The following STAU2 variants were observed in gnomAD, a reference collection of about 807,000 sequenced individuals.
STAU2 encodes staufen double-stranded RNA binding protein 2, also known as double-stranded RNA-binding protein Staufen homolog 2.
Under a neutral mutation model 65.9 loss-of-function variants are expected in STAU2, and 20 were observed. The observed-to-expected ratio is 0.30, with a 90% CI of 0.21 to 0.44. The LOEUF is 0.44. Ranked by LOEUF, STAU2 falls within the 20% of genes least tolerant of loss-of-function variation. The pLI is 1.00. For synonymous variants in STAU2, 232 were observed against 233.9 expected (o/e 0.99, Z 0.07); for missense variants, 558 against 683.9 (o/e 0.82, Z 2.05).
At chr8:73,490,837 G>C (rs1821122637) in intron 13 of STAU2, among the ~76,000 whole-genome samples, 1 of 151,728 alleles carries the variant, frequency 6.6e-6, no homozygotes, top group African/African-American at 2.4e-5. Flanking sequence ...TTAACAAATA[G>C]TTCATCTGGA....
intron 13 of STAU2, among the ~76,000 whole-genome samples, chr8:73,423,246 G>T (rs1014962915): frequency 1.3e-5 from 2 of 152,210 alleles, no homozygotes; most frequent in Admixed American, 1.3e-4. Context: ...GAAAGTTTGG[G>T]CTGGTCATGT....
chr8:73,477,332 C>T (rs1423490121), intron 13 of STAU2, among the ~76,000 whole-genome samples: 1 of 152,154 alleles, frequency 6.6e-6, no homozygotes, highest in Non-Finnish European at 1.5e-5. Flanking sequence ...TCTGAAATAA[C>T]TTTCATGGGG....
intron 6 of STAU2, among the ~76,000 whole-genome samples, chr8:73,660,292 T>C (rs143237569): frequency 0.012 from 1,863 of 152,224 alleles, 141 homozygotes; most frequent in Admixed American, 0.11. Context: ...TAGCTGGGCA[T>C]GGTGGTGCAT....
In STAU2 at chr8:73,582,773, T is replaced by C; in HGVS notation, c.1219A>G (p.Asn407Asp). The C allele has an allele frequency of 6.2e-7, 1 of 1,613,206 alleles. No individual in the cohort carries two copies. The highest frequency in any genetic ancestry group is 8.5e-7 in the Non-Finnish European group (1 of 1,179,404). The change falls in exon 12 of 15, where the codon AAT (asparagine) becomes GAT (aspartate). Residue 407 changes from asparagine to aspartate, a missense_variant. Transcript: ENST00000524300. ...CAACATAAAAATGAGAACTTACTAT[T>C]ATTTGTTGGTTCAGGAAACCCAGGC... ...PKPGFPEPTN[N>D]TPKGILHLSP... is the part of the protein sequence containing the mutation.
intron 3 of STAU2, among the ~76,000 whole-genome samples, chr8:73,720,865 T>C (rs1025969612): frequency 1.3e-5 from 2 of 152,086 alleles, no homozygotes; most frequent in Non-Finnish European, 2.9e-5. Context: ...CATAGATTAC[T>C]TATATTTTTT....
At chr8:73,551,253 G>A (rs1435849804) in intron 13 of STAU2, 1 of 987,304 alleles carries the variant, frequency 1.0e-6, no homozygotes, top group Non-Finnish European at 1.2e-6. Context: ...TTTTTTCCCA[G>A]AAGGAAACAA....
intron 13 of STAU2, among the ~76,000 whole-genome samples, chr8:73,548,106 A>G (rs1213161647): frequency 6.6e-6 from 1 of 152,130 alleles, no homozygotes; most frequent in Admixed American, 6.5e-5. Context: ...TCCTAGAACC[A>G]ATCCTTCCTG....
chr8:73,611,660 GATT>G (rs1037885760), intron 9 of STAU2, among the ~76,000 whole-genome samples: 3 of 150,078 alleles, frequency 2.0e-5, no homozygotes, highest in Non-Finnish European at 3.0e-5. Flanking sequence ...TTATTATGAT[GATT>G]ATTATTATGA....
chr8:73,637,664 C>T (rs1214896549), intron 6 of STAU2, among the ~76,000 whole-genome samples: 1 of 151,788 alleles, frequency 6.6e-6, no homozygotes, highest in Non-Finnish European at 1.5e-5. Flanking sequence ...GGTGTTCAAA[C>T]TGAAGAGAAG....
chr8:73,703,856 G>C (rs1362201234), intron 4 of STAU2, among the ~76,000 whole-genome samples: 1 of 152,176 alleles, frequency 6.6e-6, no homozygotes, highest in Non-Finnish European at 1.5e-5. Flanking sequence ...TAGGACACTG[G>C]AAATGTTTGT....
chr8:73,574,938 A>G (rs1205456262), intron 12 of STAU2, among the ~76,000 whole-genome samples: 1 of 151,548 alleles, frequency 6.6e-6, no homozygotes, highest in East Asian at 1.9e-4. Flanking sequence ...TAAAATAAAA[A>G]TAAAGAAATG....
intron 1 of STAU2, 129 bp downstream of exon 1, chr8:73,746,654 C>T (rs1313954200): frequency 8.1e-6 from 4 of 496,460 alleles, no homozygotes; most frequent in East Asian, 7.9e-5. Context: ...GAGGGGAGGC[C>T]GCGAAGGGGG....
At chr8:73,647,034 T>C (rs1815437942) in intron 6 of STAU2, among the ~76,000 whole-genome samples, 1 of 139,272 alleles carries the variant, frequency 7.2e-6, no homozygotes, top group Non-Finnish European at 1.5e-5. Flanking sequence ...CATAATGATA[T>C]ATAACTACAC....
chr8:73,461,926 G>A (rs1398013911), intron 13 of STAU2, among the ~76,000 whole-genome samples: 1 of 152,090 alleles, frequency 6.6e-6, no homozygotes, highest in Non-Finnish European at 1.5e-5. Flanking sequence ...TTGTCAATCC[G>A]ATCTTCCTGC....
chr8:73,609,569 G>A (rs1243460514), intron 9 of STAU2, among the ~76,000 whole-genome samples: 2 of 151,916 alleles, frequency 1.3e-5, no homozygotes, highest in African/African-American at 4.8e-5. Flanking sequence ...CAGGAGAATC[G>A]ATTGAACCCA....
chr8:73,491,240 T>C (rs1821139455), intron 13 of STAU2, among the ~76,000 whole-genome samples: 1 of 152,014 alleles, frequency 6.6e-6, no homozygotes, highest in Admixed American at 6.6e-5. Context: ...TTTGGTGACA[T>C]GGAGAACCCC....
At chr8:73,675,114 T>C (rs1180111699) in intron 5 of STAU2, among the ~76,000 whole-genome samples, 2 of 151,632 alleles carry the variant, frequency 1.3e-5, no homozygotes, top group East Asian at 3.9e-4. Flanking sequence ...CACAGTGGCA[T>C]AAAATTGGAC....
intron 6 of STAU2, among the ~76,000 whole-genome samples, chr8:73,648,301 T>C (rs1422884111): frequency 6.6e-6 from 1 of 152,250 alleles, no homozygotes; most frequent in African/African-American, 2.4e-5. Flanking sequence ...TCGAGTGTTT[T>C]ACTTCACAGT....
intron 3 of STAU2, among the ~76,000 whole-genome samples, chr8:73,716,560 A>C (rs1821265097): frequency 6.6e-6 from 1 of 152,216 alleles, no homozygotes; most frequent in African/African-American, 2.4e-5. Flanking sequence ...CCTTACCAGT[A>C]TTTAGTTTGG....
Sources: allele counts gnomAD v4.1 joint callset (sites outside exome capture counted in the v4.1 genomes callset), GRCh38; gene constraint gnomAD v4.1.1; transcripts MANE v1.5; gene names NCBI Gene and HGNC (gene_info 2026-07-23, HGNC 2026-07-21).